PHC3: variants seen among roughly 807,000 people sequenced by gnomAD.
PHC3 encodes the protein polyhomeotic-like protein 3.
PHC3 carries 13 observed loss-of-function variants against 107.4 expected under a neutral mutation model. The ratio of observed to expected loss-of-function variants is 0.12; its 90% CI spans 0.08 to 0.19. The LOEUF is 0.19. Ranked by LOEUF, PHC3 falls within the 10% of genes least tolerant of loss-of-function variation. The probability of loss-of-function intolerance (pLI) is 1.00; values close to 1 mark genes in which losing one functional copy is unlikely to be tolerated. For synonymous variants in PHC3, 456 were observed against 427.4 expected (o/e 1.07, Z -0.83); for missense variants, 992 against 1,210.9 (o/e 0.82, Z 2.68).
At position 170,094,988 on chromosome 3, in the gene PHC3, G is replaced by A. The variant is rs1714482992; in HGVS notation, c.*2242C>T. ...ATAGGATGTAATCATTATTGCTGGA[G>A]CAGTCTATCCCCATATAATAAATTT... On this transcript the variant is annotated 3_prime_UTR_variant, in exon 15 of 15. Coordinates refer to ENST00000495893, the MANE Select transcript of PHC3 (RefSeq NM_024947.4). The A allele has an allele frequency of 6.6e-6, 1 of 152,152 alleles. No homozygotes were observed. The highest frequency in any genetic ancestry group is 2.4e-5 in the African/African-American group (1 of 41,418). The allele number at this position is 152,152 out of a possible 1,614,324, so 9.4% of individuals were successfully genotyped here.
intron 9 of PHC3, among the ~76,000 whole-genome samples, chr3:170,122,023 C>A (rs962635948): frequency 2.0e-5 from 3 of 152,192 alleles, no homozygotes; most frequent in South Asian, 2.1e-4. Flanking sequence ...GAAGCCGAGG[C>A]AAGCGGATCA....
intron 4 of PHC3, 88 bp from the exon 5 acceptor site, chr3:170,149,332 A>G: frequency 7.4e-7 from 1 of 1,343,246 alleles, no homozygotes; most frequent in East Asian, 2.4e-5. Flanking sequence ...TAGGCAATCA[A>G]TGGTATAAAC....
chr3:170,153,186 G>C (rs1161346850), intron 4 of PHC3, among the ~76,000 whole-genome samples: 1 of 152,128 alleles, frequency 6.6e-6, no homozygotes, highest in East Asian at 1.9e-4. Context: ...AAATGGCACT[G>C]GCATTTTCTA....
chr3:170,126,535 T>A (rs1165195687), intron 8 of PHC3, among the ~76,000 whole-genome samples: 13 of 145,138 alleles, frequency 9.0e-5, no homozygotes, highest in African/African-American at 3.3e-4. Flanking sequence ...TATATTTTTT[T>A]TTTTTTTTCC....
intron 6 of PHC3, among the ~76,000 whole-genome samples, chr3:170,140,477 C>T (rs1458842990): frequency 6.6e-6 from 1 of 151,514 alleles, no homozygotes; most frequent in African/African-American, 2.4e-5. Context: ...TCATCTCAAA[C>T]TTCTGGCCTC....
Position 170,115,875 on chromosome 3 carries a change from T to TCACACACACACACACACA in PHC3, c.2193+1350_2193+1351insTGTGTGTGTGTGTGTGTG, listed in dbSNP as rs1238887514. ...AGAATTGTTATAGGAAATCCAAGTT[T>TCACACACACACACACACA]CTCACACACACACACACACACACAC... On this transcript the variant is annotated intron_variant, in intron 10 of 14. Transcript: ENST00000495893. 5.6e-5 allele frequency among the ~76,000 whole-genome samples: 5 copies of TCACACACACACACACACA among 88,586 alleles called. No homozygotes were observed. In the East Asian group the frequency reaches 1.5e-3, roughly 27 times the overall value. The allele number at this position is 88,586 out of a possible 152,430, so 58.1% of individuals were successfully genotyped here.
chr3:170,171,090 T>C, intron 4 of PHC3: 1 of 466,804 alleles, frequency 2.1e-6, no homozygotes, highest in Non-Finnish European at 3.7e-6. Context: ...TATTTTAGGC[T>C]TTCAATACAC....
chr3:170,159,251 CAAAAA>C (rs1278767405), intron 4 of PHC3, among the ~76,000 whole-genome samples: 2,338 of 69,552 alleles, frequency 0.034, 44 homozygotes, highest in African/African-American at 0.1. Flanking sequence ...GACTCGGTCT[CAAAAA>C]AAAAAAAAAA....
At chr3:170,101,792 AAGAT>A (rs1026422681) in intron 14 of PHC3, among the ~76,000 whole-genome samples, 1 of 152,120 alleles carries the variant, frequency 6.6e-6, no homozygotes, top group African/African-American at 2.4e-5. Context: ...TTAAGGAAAA[AAGAT>A]AGAGACTTAA....
chr3:170,126,929 T>G (rs933263695), intron 8 of PHC3, among the ~76,000 whole-genome samples: 25 of 151,840 alleles, frequency 1.6e-4, no homozygotes, highest in Middle Eastern at 3.4e-3. Context: ...AGTTTTTTTT[T>G]GTTTGTTTTT....
chr3:170,136,309 A>G (rs769878942), intron 7 of PHC3, 110 bp downstream of exon 7: 8 of 1,286,104 alleles, frequency 6.2e-6, no homozygotes, highest in Non-Finnish European at 8.5e-6. Flanking sequence ...TTCACATTTT[A>G]AAATGTTTTA....
intron 5 of PHC3, 50 bp from the exon 6 acceptor site, chr3:170,145,571 CCA>C (rs1219763838): frequency 7.5e-7 from 1 of 1,339,564 alleles, no homozygotes; most frequent in East Asian, 2.3e-5. Flanking sequence ...AGAACATGTC[CCA>C]CACACAATGT....
chr3:170,165,753 CAAAAAAAA>C (rs1201987701), intron 4 of PHC3, among the ~76,000 whole-genome samples: 1,345 of 41,152 alleles, frequency 0.033, 30 homozygotes, highest in African/African-American at 0.11. Flanking sequence ...GACCTTGTCT[CAAAAAAAA>C]AAAAAAAAAA....
At chr3:170,139,430 G>A (rs1577122888) in intron 6 of PHC3, among the ~76,000 whole-genome samples, 1 of 152,190 alleles carries the variant, frequency 6.6e-6, no homozygotes. Context: ...TGACACAAAT[G>A]ATCTATAAAG....
intron 11 of PHC3, among the ~76,000 whole-genome samples, chr3:170,111,394 G>GGAAGGA (rs1231945250): frequency 4.2e-5 from 6 of 142,006 alleles, no homozygotes; most frequent in African/African-American, 1.6e-4. Context: ...GAGAAAGAAA[G>GGAAGGA]AGGAAGGAAG....
At chr3:170,178,293 G>A (rs978257898) in intron 2 of PHC3, among the ~76,000 whole-genome samples, 2 of 151,896 alleles carry the variant, frequency 1.3e-5, no homozygotes, top group Admixed American at 6.6e-5. Flanking sequence ...ACAGGCGCCC[G>A]CCACTGCGCC....
At chr3:170,116,702 G>A (rs960429321) in intron 10 of PHC3, among the ~76,000 whole-genome samples, 4 of 152,054 alleles carry the variant, frequency 2.6e-5, no homozygotes, top group African/African-American at 9.7e-5. Context: ...GGGACCCCAG[G>A]AGTTAAAAAC....
chr3:170,172,733 C>A, intron 2 of PHC3, 21 bp from the exon 3 acceptor site: 2 of 1,571,308 alleles, frequency 1.3e-6, no homozygotes, highest in Non-Finnish European at 1.7e-6. Context: ...TCAATTGAAC[C>A]AATGTCAAAC....
At chr3:170,168,097 G>A (rs1053029649) in intron 4 of PHC3, among the ~76,000 whole-genome samples, 12 of 152,200 alleles carry the variant, frequency 7.9e-5, no homozygotes, top group Middle Eastern at 3.4e-3. Context: ...GGGAGATTGA[G>A]GCGGTAGTGA....
Sources: allele counts gnomAD v4.1 joint callset (sites outside exome capture counted in the v4.1 genomes callset), GRCh38; gene constraint gnomAD v4.1.1; transcripts MANE v1.5; gene names NCBI Gene and HGNC (gene_info 2026-07-23, HGNC 2026-07-21).